Variants in PTK2 observed in about 807,000 individuals in gnomAD.
The protein encoded by PTK2 is focal adhesion kinase 1.
In PTK2, 45 loss-of-function variants were observed where a neutral mutation model predicts 150.1. The ratio of observed to expected loss-of-function variants is 0.30; its 90% CI spans 0.24 to 0.38. The LOEUF (loss-of-function observed/expected upper bound fraction) is 0.38, where lower values mean the gene tolerates loss of function less well. Ranked by LOEUF, PTK2 falls within the 10% of genes least tolerant of loss-of-function variation. The probability of loss-of-function intolerance (pLI) is 1.00; values close to 1 mark genes in which losing one functional copy is unlikely to be tolerated. For synonymous variants in PTK2, 432 were observed against 449.2 expected (o/e 0.96, Z 0.48); for missense variants, 919 against 1,307.3 (o/e 0.70, Z 4.58).
At chr8:140,798,091 T>C (rs2100092773) in intron 12 of PTK2, among the ~76,000 whole-genome samples, 1 of 152,202 alleles carries the variant, frequency 6.6e-6, no homozygotes, top group Non-Finnish European at 1.5e-5. Flanking sequence ...TATACATGTA[T>C]ACATGTATAA....
intron 1 of PTK2, among the ~76,000 whole-genome samples, chr8:140,955,410 A>G (rs2100180898): frequency 1.3e-5 from 2 of 152,168 alleles, no homozygotes; most frequent in South Asian, 4.1e-4. Context: ...GCTTTCTGCC[A>G]TGATTGTAAG....
chr8:140,734,374 CCAATT>C (rs1206745749), intron 22 of PTK2, among the ~76,000 whole-genome samples: 2 of 152,294 alleles, frequency 1.3e-5, no homozygotes, highest in East Asian at 1.9e-4. Flanking sequence ...ATTCTAGACT[CCAATT>C]CAATTCAATT....
intron 17 of PTK2, 101 bp downstream of exon 20, chr8:140,752,131 C>T: frequency 1.0e-6 from 1 of 1,001,676 alleles, no homozygotes; most frequent in Non-Finnish European, 1.5e-6. Flanking sequence ...ATAGTTGTCT[C>T]CTAAAAGTCA....
intron 10 of PTK2, among the ~76,000 whole-genome samples, chr8:140,805,550 C>CA (rs59135954): frequency 0.012 from 969 of 82,100 alleles, 6 homozygotes; most frequent in East Asian, 0.053. Context: ...AACTCTGTCT[C>CA]AAAAAAAAAA....
At chr8:140,758,542 G>A (rs547827263) in intron 16 of PTK2, among the ~76,000 whole-genome samples, 1 of 152,294 alleles carries the variant, frequency 6.6e-6, no homozygotes, top group South Asian at 2.1e-4. Context: ...CTTCCAGTGG[G>A]ACAAGGTGTG....
chr8:140,663,770 C>A (rs2084675084), intron 31 of PTK2, among the ~76,000 whole-genome samples: 3 of 152,072 alleles, frequency 2.0e-5, no homozygotes, highest in Non-Finnish European at 4.4e-5. Flanking sequence ...AACTCCTGGG[C>A]TCAAGCGATC....
chr8:140,983,543 G>C (rs983737240), intron 1 of PTK2, among the ~76,000 whole-genome samples: 1 of 152,114 alleles, frequency 6.6e-6, no homozygotes, highest in African/African-American at 2.4e-5. Flanking sequence ...TAATGTGTAA[G>C]AAAAGCATTA....
chr8:140,796,755 G>A (rs753785090), intron 12 of PTK2, among the ~76,000 whole-genome samples: 9 of 152,012 alleles, frequency 5.9e-5, no homozygotes, highest in Non-Finnish European at 1.3e-4. Context: ...TCTAATTCTG[G>A]GAGTTAATGT....
chr8:140,662,807 C>A, intron 31 of PTK2: 1 of 518,910 alleles, frequency 1.9e-6, no homozygotes, highest in South Asian at 3.0e-5. Flanking sequence ...TGCAAAATCT[C>A]AATCTCATCA....
intron 18 of PTK2, chr8:140,746,413 C>A: frequency 5.4e-6 from 1 of 185,972 alleles, no homozygotes; most frequent in Non-Finnish European, 1.1e-5. Context: ...ATTAATTTAC[C>A]CAAACTCCAT....
At chr8:140,874,849 G>C (rs921950835) in intron 4 of PTK2, among the ~76,000 whole-genome samples, 4 of 151,992 alleles carry the variant, frequency 2.6e-5, no homozygotes, top group Middle Eastern at 6.8e-3. Context: ...TTTGCTTCTG[G>C]GCTTCTTTTA....
chr8:140,801,589 T>C (rs946113313), intron 11 of PTK2, among the ~76,000 whole-genome samples: 4 of 152,228 alleles, frequency 2.6e-5, no homozygotes, highest in Non-Finnish European at 5.9e-5. Context: ...ATCTACTTCC[T>C]TGGTTGTGAC....
intron 1 of PTK2, among the ~76,000 whole-genome samples, chr8:140,999,493 T>C (rs306957): frequency 0.44 from 67,294 of 152,078 alleles, 15,297 homozygotes; most frequent in Admixed American, 0.55. Context: ...ACAAAGATAT[T>C]GGGACACAAA....
At chr8:140,862,656 G>A (rs1283552727) in intron 5 of PTK2, among the ~76,000 whole-genome samples, 3 of 152,142 alleles carry the variant, frequency 2.0e-5, no homozygotes, top group East Asian at 1.9e-4. Context: ...GTGGGCAAGC[G>A]AGCATTACCG....
chr8:140,795,901 A>T (rs1384582949), intron 12 of PTK2, among the ~76,000 whole-genome samples: 1 of 152,186 alleles, frequency 6.6e-6, no homozygotes, highest in Non-Finnish European at 1.5e-5. Context: ...AACATTCCTC[A>T]ATATTTCAAA....
intron 1 of PTK2, among the ~76,000 whole-genome samples, chr8:140,997,838 CTGAGGTGGGAGGATCACT>C (rs896692561): frequency 3.9e-5 from 6 of 152,190 alleles, no homozygotes; most frequent in Non-Finnish European, 8.8e-5. Context: ...ACTCAGGAGG[CTGAGGTGGGAGGATCACT>C]TGAGCCCAGG....
At chr8:140,674,927 C>T (rs1170742652) in intron 28 of PTK2, among the ~76,000 whole-genome samples, 2 of 149,814 alleles carry the variant, frequency 1.3e-5, no homozygotes, top group Admixed American at 6.6e-5. Context: ...AAAAAATTAG[C>T]CAGGCATGGT....
chr8:140,682,075 T>C (rs780007171), intron 27 of PTK2, among the ~76,000 whole-genome samples: 56 of 152,202 alleles, frequency 3.7e-4, no homozygotes, highest in Admixed American at 8.5e-4. Context: ...GAAAAAAATA[T>C]TGCTTGAACA....
In PTK2 at chr8:140,932,407, G is replaced by A. The variant is rs546215836; in HGVS notation, c.-121-6658C>T. On this transcript the variant is annotated intron_variant, in intron 1 of 31. Transcript: ENST00000522684. ...TTTTTGTATTTTTTAGTAGAGAGGG[G>A]GTTTCACCATCTTGGCCAGGCCAGT... is the stretch of plus-strand genomic sequence containing the variant. 3.9e-5 allele frequency among the ~76,000 whole-genome samples: 6 copies of A among 151,906 alleles called. No individual in the cohort carries two copies. In the East Asian group the frequency reaches 1.2e-3, roughly 29 times the overall value.
Sources: allele counts gnomAD v4.1 joint callset (sites outside exome capture counted in the v4.1 genomes callset), GRCh38; gene constraint gnomAD v4.1.1; transcripts MANE v1.5; gene names NCBI Gene and HGNC (gene_info 2026-07-23, HGNC 2026-07-21).